The following CDH8 variants were observed in gnomAD, a reference collection of about 807,000 sequenced individuals.
CDH8 encodes the protein cadherin-8.
CDH8 carries 17 observed loss-of-function variants against 68.1 expected under a neutral mutation model. That is an observed-to-expected ratio of 0.25 (90% CI 0.17 to 0.37). The LOEUF (loss-of-function observed/expected upper bound fraction) is 0.37. Among genes scored for constraint, CDH8 ranks in the 10% least tolerant of loss-of-function variants. The pLI, the probability that CDH8 is intolerant of heterozygous loss-of-function variation, is 1.00. For missense variants in CDH8, 763 were observed against 999.3 expected, an observed-to-expected ratio of 0.76 and a Z score of 3.19; for synonymous variants, 372 against 365.1, an observed-to-expected ratio of 1.02 and a Z score of -0.21.
intron 8 of CDH8, among the ~76,000 whole-genome samples, chr16:61,730,655 G>A (rs1173898933): frequency 6.6e-6 from 1 of 151,338 alleles, no homozygotes; most frequent in Admixed American, 6.6e-5. Context: ...AAATTAATTT[G>A]TTCTTATTTA....
chr16:62,026,921 T>C (rs1902210426), intron 1 of CDH8, among the ~76,000 whole-genome samples: 1 of 152,240 alleles, frequency 6.6e-6, no homozygotes, highest in Admixed American at 6.5e-5. Context: ...GTGTTATCAG[T>C]ATTAATTAAT....
At chr16:61,834,864 C>T (rs1248060154) in intron 4 of CDH8, among the ~76,000 whole-genome samples, 1 of 151,872 alleles carries the variant, frequency 6.6e-6, no homozygotes. Flanking sequence ...CAGAATGTGA[C>T]CCAGCAATGA....
chr16:61,765,821 C>T (rs1404651690), intron 8 of CDH8, among the ~76,000 whole-genome samples: 2 of 151,818 alleles, frequency 1.3e-5, no homozygotes, highest in African/African-American at 2.4e-5. Flanking sequence ...AACAAAATAA[C>T]AAACTAAATC....
chr16:61,948,880 A>G (rs1273520260), intron 2 of CDH8, among the ~76,000 whole-genome samples: 1 of 152,210 alleles, frequency 6.6e-6, no homozygotes, highest in African/African-American at 2.4e-5. Flanking sequence ...ACACAAGTAT[A>G]CTAATCCCAT....
intron 1 of CDH8, among the ~76,000 whole-genome samples, chr16:62,031,467 A>C (rs1024993694): frequency 1.3e-5 from 2 of 152,266 alleles, no homozygotes; most frequent in South Asian, 2.1e-4. Context: ...CATAAAATAA[A>C]TATTTACTGA....
chr16:61,716,260 G>T (rs1392414776), intron 9 of CDH8, among the ~76,000 whole-genome samples: 2 of 151,538 alleles, frequency 1.3e-5, no homozygotes, highest in Non-Finnish European at 3.0e-5. Context: ...ACCTGCTGTT[G>T]CATCTACAGG....
At chr16:61,776,936 C>A (rs1257590908) in intron 8 of CDH8, among the ~76,000 whole-genome samples, 1 of 152,064 alleles carries the variant, frequency 6.6e-6, no homozygotes, top group Non-Finnish European at 1.5e-5. Context: ...CCTGCACATG[C>A]ACCCCTGAAC....
chr16:61,936,429 G>T (rs1324088258), intron 2 of CDH8, among the ~76,000 whole-genome samples: 1 of 152,012 alleles, frequency 6.6e-6, no homozygotes, highest in Admixed American at 6.6e-5. Context: ...TCACAACTCG[G>T]GGCAGTAGAT....
At position 61,815,602 on chromosome 16, in the gene CDH8, A is replaced by ATATC. The variant is rs1962054888; in HGVS notation, c.1277+1873_1277+1876dup. Among the ~76,000 whole-genome samples, 5 of 152,100 alleles carry ATATC rather than the reference A, an allele frequency of 3.3e-5. 1 individual carries two copies. The highest frequency in any genetic ancestry group is 3.3e-4 in the Admixed American group (5 of 15,270). ...GTTGGGAGCTTATATTATTGTGCTGATATCTGAACCCTTATTTTCCCTAAG... is the reference window on the plus strand; with the variant it reads ...GTTGGGAGCTTATATTATTGTGCTGATATCTATCTGAACCCTTATTTTCCCTAAG... On this transcript the variant is annotated intron_variant, in intron 7 of 11. Coordinates refer to ENST00000577390, the MANE Select transcript of CDH8 (RefSeq NM_001796.5).
intron 10 of CDH8, among the ~76,000 whole-genome samples, chr16:61,708,850 T>A (rs186853010): frequency 6.6e-6 from 1 of 152,290 alleles, no homozygotes; most frequent in East Asian, 1.9e-4. Flanking sequence ...CCTTTTATGA[T>A]TCAACATTGA....
intron 3 of CDH8, among the ~76,000 whole-genome samples, chr16:61,895,843 C>T (rs992386971): frequency 2.0e-5 from 3 of 152,012 alleles, no homozygotes; most frequent in Non-Finnish European, 4.4e-5. Context: ...GTAGGTAGCA[C>T]GTTAAATATA....
chr16:61,735,705 T>G (rs1959659523), intron 8 of CDH8, among the ~76,000 whole-genome samples: 1 of 152,104 alleles, frequency 6.6e-6, no homozygotes, highest in Non-Finnish European at 1.5e-5. Context: ...AACACTTTTC[T>G]ACAGTCACAG....
chr16:61,972,571 G>GGGTGTGTGTGTGT lies in CDH8; in HGVS notation c.252+48580_252+48581insACACACACACACC, dbSNP rs369833002. On this transcript the variant is annotated intron_variant, in intron 2 of 11. Transcript: ENST00000577390. ...TTTTTTTTTCTGGGAACACATTGTG[G>GGGTGTGTGTGTGT]GTGTGTGTGTGTGTGTGTGTGTGTG... Among the ~76,000 whole-genome samples the GGGTGTGTGTGTGT allele has an allele frequency of 6.8e-3, 895 of 131,534 alleles. 13 individuals carry two copies. The highest frequency in any genetic ancestry group is 0.015 in the African/African-American group (535 of 36,194). The allele number at this position is 131,534 out of a possible 152,430, so 86.3% of individuals were successfully genotyped here.
chr16:61,706,351 C>T (rs1964530982), intron 10 of CDH8, among the ~76,000 whole-genome samples: 1 of 152,166 alleles, frequency 6.6e-6, no homozygotes, highest in South Asian at 2.1e-4. Flanking sequence ...GACGCGGTGG[C>T]TCACGCCTGT....
At chr16:61,807,251 T>A (rs1961809088) in intron 7 of CDH8, among the ~76,000 whole-genome samples, 1 of 147,422 alleles carries the variant, frequency 6.8e-6, no homozygotes, top group African/African-American at 2.5e-5. Flanking sequence ...ATATTCTCAC[T>A]CATAGGTGGG....
intron 7 of CDH8, among the ~76,000 whole-genome samples, chr16:61,797,747 G>A (rs752240362): frequency 6.6e-6 from 1 of 152,002 alleles, no homozygotes; most frequent in Non-Finnish European, 1.5e-5. Context: ...GAAAGATTCT[G>A]GTGTGAGGGC....
At chr16:61,887,834 TACA>T (rs1342557523) in intron 3 of CDH8, among the ~76,000 whole-genome samples, 2 of 152,152 alleles carry the variant, frequency 1.3e-5, no homozygotes, top group East Asian at 1.9e-4. Context: ...ATATATAATG[TACA>T]ACAATCATGC....
intron 8 of CDH8, among the ~76,000 whole-genome samples, chr16:61,782,241 G>A (rs953591013): frequency 4.1e-4 from 62 of 152,240 alleles, no homozygotes; most frequent in African/African-American, 1.3e-3. Context: ...CGCACCGTCC[G>A]CGAGCCGAAG....
At chr16:61,750,930 T>C (rs1417350842) in intron 8 of CDH8, among the ~76,000 whole-genome samples, 1 of 152,086 alleles carries the variant, frequency 6.6e-6, no homozygotes. Flanking sequence ...TGTTGGAATT[T>C]GCTCAACACT....
Sources: allele counts gnomAD v4.1 joint callset (sites outside exome capture counted in the v4.1 genomes callset), GRCh38; gene constraint gnomAD v4.1.1; transcripts MANE v1.5; gene names NCBI Gene and HGNC (gene_info 2026-07-23, HGNC 2026-07-21).